Variants in TOGARAM2 observed in about 807,000 individuals in gnomAD.
TOGARAM2 encodes the protein TOG array regulator of axonemal microtubules 2.
Under a neutral mutation model 93.3 loss-of-function variants are expected in TOGARAM2, and 85 were observed. That is an observed-to-expected ratio of 0.91 (90% CI 0.76 to 1.09). TOGARAM2 has a LOEUF of 1.09. Ranked by LOEUF, TOGARAM2 falls within the 50% of genes least tolerant of loss-of-function variation. The pLI is 0.00. For synonymous variants in TOGARAM2, 593 were observed against 552.8 expected (o/e 1.07, Z -1.02); for missense variants, 1,277 against 1,334.5 (o/e 0.96, Z 0.67).
At chr2:29,027,128 C>CAGCTTCCCT in intron 14 of TOGARAM2, 117 bp downstream of exon 14, 2 of 1,097,462 alleles carry the variant, frequency 1.8e-6, no homozygotes, top group African/African-American at 3.2e-5. Flanking sequence ...GGCAGGTAGG[C>CAGCTTCCCT]GGAAGCTATG....
intron 16 of TOGARAM2, among the ~76,000 whole-genome samples, chr2:29,033,912 C>T (rs1198964611): frequency 6.6e-6 from 1 of 152,070 alleles, no homozygotes; most frequent in African/African-American, 2.4e-5. Context: ...CCAGAGTGGC[C>T]AGCCTGGGAC....
chr2:28,975,891 T>C (rs550715069), intron 1 of TOGARAM2, among the ~76,000 whole-genome samples: 9 of 152,264 alleles, frequency 5.9e-5, no homozygotes, highest in African/African-American at 2.2e-4. Context: ...TCATTGCTGA[T>C]GATGGGATGG....
chr2:28,997,999 G>T (rs1673078439), intron 2 of TOGARAM2, 144 bp from the exon 3 acceptor site: 12 of 538,844 alleles, frequency 2.2e-5, no homozygotes, highest in Non-Finnish European at 3.7e-5. Context: ...GGTGTTGGGG[G>T]TGGGGCCACC....
chr2:28,992,335 C>G (rs1365310573), intron 1 of TOGARAM2, among the ~76,000 whole-genome samples: 1 of 152,128 alleles, frequency 6.6e-6, no homozygotes, highest in African/African-American at 2.4e-5. Flanking sequence ...AGATCCTGCA[C>G]TAGACCCTGG....
At chr2:29,006,053 GTGTGTGTA>G (rs139933367) in intron 6 of TOGARAM2, among the ~76,000 whole-genome samples, 10,797 of 78,116 alleles carry the variant, frequency 0.14, 464 homozygotes, top group Non-Finnish European at 0.16. Context: ...TGTGTGGAGT[GTGTGTGTA>G]TGTGTATGTG....
At chr2:28,983,748 T>C (rs1444482383) in intron 1 of TOGARAM2, among the ~76,000 whole-genome samples, 1 of 152,156 alleles carries the variant, frequency 6.6e-6, no homozygotes, top group Admixed American at 6.5e-5. Flanking sequence ...TTCCCAAGGG[T>C]TTGTGCCCAT....
At chr2:28,976,472 C>T (rs1319398445), upstream of TOGARAM2, among the ~76,000 whole-genome samples, 2 of 152,220 alleles carry the variant, frequency 1.3e-5, no homozygotes, top group African/African-American at 4.8e-5. Flanking sequence ...CTCCCCCTGC[C>T]CTCCATCTCT....
chr2:28,999,342 GA>G lies in TOGARAM2; in HGVS notation c.302del (p.Asp101AlafsTer69). 1.9e-6 allele frequency: 3 copies of G among 1,613,668 alleles called. No individual in the cohort carries two copies. Among genetic ancestry groups the G allele is most frequent in the Non-Finnish European group, 2.5e-6 (3 of 1,179,770 alleles). On this transcript the variant is annotated frameshift_variant, in exon 4 of 20. Coordinates refer to ENST00000379558, the MANE Select transcript of TOGARAM2 (RefSeq NM_199280.4). LOFTEE classifies it high-confidence loss of function. The part of the protein sequence containing the change: ...PRNLRALSLG[D>X]QPLVLLPSPE... ...GAACCTCAGGGCCTTGTCTTTGGGG[GA>G]CCAGCCCCTGGTGCTCCTCCCTTCT...
chr2:28,959,091 C>G (rs990258769), intron 1 of TOGARAM2, among the ~76,000 whole-genome samples: 3 of 152,158 alleles, frequency 2.0e-5, no homozygotes, highest in African/African-American at 7.2e-5. Flanking sequence ...GTGGCTGCAC[C>G]TCCAGTTTCC....
At chr2:29,026,247 G>A (rs1665353490) in intron 13 of TOGARAM2, among the ~76,000 whole-genome samples, 1 of 152,038 alleles carries the variant, frequency 6.6e-6, no homozygotes, top group African/African-American at 2.4e-5. Flanking sequence ...TTTTTCTGGA[G>A]ATACTTAATG....
chr2:29,006,191 A>ATGTG, intron 6 of TOGARAM2, among the ~76,000 whole-genome samples: 1 of 142,820 alleles, frequency 7.0e-6, no homozygotes, highest in Non-Finnish European at 1.5e-5. Flanking sequence ...ATGTGTGTGC[A>ATGTG]TGTGTGTGAG....
At chr2:28,988,449 C>T (rs376557688) in intron 1 of TOGARAM2, among the ~76,000 whole-genome samples, 1 of 152,126 alleles carries the variant, frequency 6.6e-6, no homozygotes, top group African/African-American at 2.4e-5. Flanking sequence ...CTGGTGCTCC[C>T]ATCTGGCCCA....
chr2:29,014,393 A>G lies in TOGARAM2; in HGVS notation c.878-2A>G. 6.2e-7 allele frequency: 1 copy of G among 1,610,380 alleles called. No homozygotes were observed. Among genetic ancestry groups the G allele is most frequent in the Non-Finnish European group, 8.5e-7 (1 of 1,178,762 alleles). On this transcript the variant is annotated splice_acceptor_variant, in intron 7 of 19. Transcript: ENST00000379558. LOFTEE classifies it high-confidence loss of function. ...GCTCCACCCCTGTTCTCAACCCCTC[A>G]GAGCCAAAACCTTTGGCCTCACCCA...
intron 16 of TOGARAM2, 128 bp downstream of exon 16, chr2:29,033,691 G>T: frequency 1.3e-6 from 1 of 773,982 alleles, no homozygotes; most frequent in South Asian, 1.9e-5. Context: ...ACCTAGTTGG[G>T]GCTGCAATAC....
chr2:29,033,682 C>T (rs1020182895), intron 16 of TOGARAM2, 119 bp downstream of exon 16: 1 of 855,624 alleles, frequency 1.2e-6, no homozygotes, highest in African/African-American at 1.7e-5. Context: ...ATCGCTGAGA[C>T]CTAGTTGGGG....
intron 18 of TOGARAM2, among the ~76,000 whole-genome samples, chr2:29,039,734 G>T (rs1235354796): frequency 2.0e-5 from 3 of 152,188 alleles, no homozygotes; most frequent in African/African-American, 7.2e-5. Context: ...GGGCTCAAGT[G>T]GCATTCTTCC....
chr2:29,026,908 G>A lies in TOGARAM2; in HGVS notation c.1909G>A (p.Glu637Lys), dbSNP rs544733577. Residue 637 changes from glutamate to lysine, a missense_variant, in exon 14 of 20, where the codon GAG becomes AAG. Physicochemically the swap from Glu to Lys is moderately conservative, Grantham distance 56. Transcript: ENST00000379558. ...GGCTGAGCACCTCTCAGCTGTGCTG[G>A]AGCAGATCGGCGCTGAGAAGCTTCT... ...YAAEHLSAVLEQIGAEKLLSG... is the reference protein window; with the variant it reads ...YAAEHLSAVLKQIGAEKLLSG... 1 of 1,590,156 alleles carries A rather than the reference G, an allele frequency of 6.3e-7. No homozygotes were observed. The highest frequency in any genetic ancestry group is 1.2e-5 in the South Asian group (1 of 86,666).
intron 4 of TOGARAM2, 116 bp downstream of exon 4, chr2:28,999,584 G>T: frequency 8.3e-7 from 1 of 1,209,446 alleles, no homozygotes. Flanking sequence ...TGCCCTGGGG[G>T]TGATCGGTGG....
rs568130899 is a variant in TOGARAM2, at chr2:28,999,226, C to A, written c.185C>A (p.Pro62Gln). Reference sequence around the variant, plus strand: ...AGAGCCCTGCTGAACAACGAGGAACCGTCACAGCTCCTGCGTGGACTCGGA... The same window carrying A: ...AGAGCCCTGCTGAACAACGAGGAACAGTCACAGCTCCTGCGTGGACTCGGA... ...EPRALLNNEE[P>Q]SQLLRGLGQL... The change falls in exon 4 of 20, where the codon CCG becomes CAG. Residue 62 changes from proline (P) to glutamine (Q), a missense_variant. Pro to Gln is a moderately conservative substitution (Grantham distance 76, BLOSUM62 -1). Transcript: ENST00000379558. The A allele has an allele frequency of 1.3e-5, 21 of 1,613,694 alleles. No individual in the cohort carries two copies. The highest frequency in any genetic ancestry group is 1.6e-5 in the Non-Finnish European group (19 of 1,179,818).
Sources: allele counts gnomAD v4.1 joint callset (sites outside exome capture counted in the v4.1 genomes callset), GRCh38; gene constraint gnomAD v4.1.1; transcripts MANE v1.5; gene names NCBI Gene and HGNC (gene_info 2026-07-23, HGNC 2026-07-21).